The following USP44 variants were observed in gnomAD, a reference collection of about 807,000 sequenced individuals.
The protein encoded by USP44 is ubiquitin carboxyl-terminal hydrolase 44.
A neutral mutation model predicts 69.0 loss-of-function variants in USP44; 61 were observed. The ratio of observed to expected loss-of-function variants is 0.88; its 90% confidence interval spans 0.72 to 1.09. USP44 has a LOEUF of 1.09. Ranked by LOEUF, USP44 falls within the 50% of genes least tolerant of loss-of-function variation. The pLI is 0.00. For missense variants in USP44, 753 were observed against 849.9 expected (o/e 0.89, Z 1.42); for synonymous variants, 297 against 295.4 (o/e 1.01, Z -0.06).
At chr12:95,537,973 T>C (rs752475949) in intron 1 of USP44, among the ~76,000 whole-genome samples, 1 of 152,214 alleles carries the variant, frequency 6.6e-6, no homozygotes, top group Non-Finnish European at 1.5e-5. Context: ...CCTGTTTCAT[T>C]GAAGCTATTG....
chr12:95,544,530 G>A (rs2077510562), intron 1 of USP44, among the ~76,000 whole-genome samples: 1 of 152,056 alleles, frequency 6.6e-6, no homozygotes, highest in African/African-American at 2.4e-5. Context: ...ATGTAATATA[G>A]ATCTAATTGG....
At position 95,522,138 on chromosome 12, in the gene USP44, A is replaced by C. The variant is rs368548774; in HGVS notation, c.1734-936T>G. The C allele has an allele frequency of 1.4e-4, 142 of 981,284 alleles. 2 individuals carry two copies. In the South Asian group the frequency reaches 5.0e-3, roughly 34 times the overall value. The allele number at this position is 981,284 out of a possible 1,614,324, so 60.8% of individuals were successfully genotyped here. On this transcript the variant is annotated intron_variant, in intron 4 of 5. Transcript: ENST00000258499. ...TGGTGCTACGAGGGGAAAATAATGT[A>C]ACATGGTAGTTCAAGAGATTATAAT...
rs116720464 is a variant in USP44, at chr12:95,520,977, A to G, written c.1939+20T>C. ...GCCTCCAAGTCCAACCCAAGATAAA[A>G]TACTTTTTCTTATCTATACCTCCTT... On this transcript the variant is annotated intron_variant, in intron 5 of 5. Coordinates refer to ENST00000258499, the MANE Select transcript of USP44 (RefSeq NM_032147.5). 1.1e-3 allele frequency: 1,829 copies of G among 1,610,370 alleles called. 12 individuals carry two copies. The African/African-American group carries it at 0.022, about 19-fold the overall frequency.
chr12:95,533,819 C>T lies in USP44; in HGVS notation c.438G>A (p.Leu146=). The T allele has an allele frequency of 6.2e-7, 1 of 1,614,116 alleles. No individual in the cohort carries two copies. The highest frequency in any genetic ancestry group is 1.1e-5 in the South Asian group (1 of 91,082). ...TTCTCCTGTGCCAAAGAGCAGTATACAGTTGATCTTCACTTTGAAGCAGAG... is the reference window on the plus strand; with the variant it reads ...TTCTCCTGTGCCAAAGAGCAGTATATAGTTGATCTTCACTTTGAAGCAGAG... ...AQSLLQSEDQ[L]YTALWHRRRI... The change falls in exon 2 of 6, where the codon CTG becomes CTA. Residue 146 remains leucine (L), a synonymous_variant. Coordinates refer to ENST00000258499, the MANE Select transcript of USP44 (RefSeq NM_032147.5).
chr12:95,532,297 A>G (rs999224436), intron 2 of USP44, among the ~76,000 whole-genome samples: 1 of 151,236 alleles, frequency 6.6e-6, no homozygotes, highest in East Asian at 1.9e-4. Flanking sequence ...CCTCCCAAGT[A>G]GCTGAGATTA....
chr12:95,529,139 AT>A, intron 2 of USP44, 137 bp from the exon 3 acceptor site: 2 of 744,256 alleles, frequency 2.7e-6, no homozygotes, highest in South Asian at 6.5e-5. Context: ...TCTGCTTTAT[AT>A]TCTTGTCAGG....
chr12:95,519,710 G>A (rs1187800554), intron 5 of USP44, among the ~76,000 whole-genome samples: 2 of 149,940 alleles, frequency 1.3e-5, no homozygotes, highest in Non-Finnish European at 3.0e-5. Context: ...GGGATTACAA[G>A]CGTGAGCCAC....
intron 1 of USP44, among the ~76,000 whole-genome samples, chr12:95,538,371 A>G (rs147972857): frequency 1.1e-3 from 175 of 152,226 alleles, no homozygotes; most frequent in African/African-American, 4.1e-3. Context: ...GTAATAAAAT[A>G]ATAATAAATT....
intron 3 of USP44, 37 bp from the exon 4 acceptor site, chr12:95,524,825 T>C (rs2076783974): frequency 3.2e-6 from 5 of 1,554,584 alleles, no homozygotes; most frequent in Non-Finnish European, 2.6e-6. Flanking sequence ...TCAAATTTCA[T>C]TTAAAGATTC....
chr12:95,539,913 T>C (rs1001375009), intron 1 of USP44, among the ~76,000 whole-genome samples: 1 of 152,200 alleles, frequency 6.6e-6, no homozygotes, highest in Non-Finnish European at 1.5e-5. Context: ...AGGTAATATA[T>C]TTAACTTGTT....
At chr12:95,541,582 AAAAAC>A (rs1170378894) in intron 1 of USP44, among the ~76,000 whole-genome samples, 1 of 152,170 alleles carries the variant, frequency 6.6e-6, no homozygotes, top group Non-Finnish European at 1.5e-5. Flanking sequence ...CCTGTCTCAA[AAAAAC>A]AAAACAAAAA....
intron 1 of USP44, among the ~76,000 whole-genome samples, chr12:95,546,257 TA>T (rs941310509): frequency 6.6e-6 from 1 of 152,172 alleles, no homozygotes; most frequent in Non-Finnish European, 1.5e-5. Context: ...ACTCTGTGTG[TA>T]AAATGCCTAG....
At chr12:95,543,420 A>G (rs1490188956) in intron 1 of USP44, among the ~76,000 whole-genome samples, 1 of 150,658 alleles carries the variant, frequency 6.6e-6, no homozygotes, top group African/African-American at 2.4e-5. Flanking sequence ...AAAAAAAAAA[A>G]AAAAAAAAGA....
chr12:95,517,364 A>C lies in USP44; in HGVS notation c.*790T>G, dbSNP rs973402215. On this transcript the variant is annotated 3_prime_UTR_variant, in exon 6 of 6. Coordinates refer to ENST00000258499, the MANE Select transcript of USP44 (RefSeq NM_032147.5). ...ACATTATAAAATGAACTCATACCCA[A>C]GGTAAACTATTTGAATAACATCATA... 6.6e-6 allele frequency: 1 copy of C among 152,178 alleles called. No homozygotes were observed. The highest frequency in any genetic ancestry group is 2.4e-5 in the African/African-American group (1 of 41,452). The allele number at this position is 152,178 out of a possible 1,614,324, so 9.4% of individuals were successfully genotyped here. A position where few individuals can be genotyped will look rare whatever the true frequency, so the allele number is the denominator to read the frequency against.
At chr12:95,544,038 T>G (rs1327455917) in intron 1 of USP44, among the ~76,000 whole-genome samples, 1 of 139,336 alleles carries the variant, frequency 7.2e-6, no homozygotes, top group Non-Finnish European at 1.5e-5. Context: ...CCACTGTAAA[T>G]TTTAGTTATC....
At chr12:95,527,093 C>T (rs961549013) in intron 3 of USP44, among the ~76,000 whole-genome samples, 11 of 146,964 alleles carry the variant, frequency 7.5e-5, no homozygotes, top group Middle Eastern at 3.6e-3. Context: ...TCCACTGGAT[C>T]ATTCTTTTTT....
chr12:95,542,172 T>C, intron 1 of USP44, among the ~76,000 whole-genome samples: 1 of 152,176 alleles, frequency 6.6e-6, no homozygotes, highest in African/African-American at 2.4e-5. Flanking sequence ...TGAGACACTA[T>C]GCCCAGCCTT....
intron 1 of USP44, among the ~76,000 whole-genome samples, chr12:95,543,015 G>A (rs1338034353): frequency 2.6e-5 from 4 of 151,288 alleles, no homozygotes; most frequent in South Asian, 4.2e-4. Context: ...GTGAACCCGG[G>A]AGGCGGAGCT....
chr12:95,524,990 G>C (rs1394570599), intron 3 of USP44, among the ~76,000 whole-genome samples: 1 of 152,242 alleles, frequency 6.6e-6, no homozygotes, highest in African/African-American at 2.4e-5. Context: ...AGCTAGTCAA[G>C]TTAGACAGAT....
Sources: gnomAD v4.1 joint callset for allele counts (sites outside exome capture counted in the v4.1 genomes callset) on GRCh38, gnomAD v4.1.1 for gene constraint, MANE v1.5 for transcripts, NCBI Gene and HGNC (gene_info 2026-07-23, HGNC 2026-07-21) for gene names.